SMG6: variants seen among roughly 807,000 people sequenced by gnomAD.
SMG6 encodes the protein telomerase-binding protein EST1A.
A neutral mutation model predicts 142.2 loss-of-function variants in SMG6; 66 were observed. That is an observed-to-expected ratio of 0.46 (90% CI 0.38 to 0.57). The LOEUF is 0.57. Among genes scored for constraint, SMG6 ranks in the 20% least tolerant of loss-of-function variants. SMG6 has a pLI of 0.00. For synonymous variants in SMG6, 779 were observed against 702.4 expected (o/e 1.11, Z -1.72); for missense variants, 1,793 against 1,832.0 (o/e 0.98, Z 0.39).
At position 2,303,763 on chromosome 17, in the gene SMG6, G is replaced by T; in HGVS notation, c.-43C>A. The T allele has an allele frequency of 6.8e-7, 1 of 1,466,658 alleles. No individual in the cohort carries two copies. The highest frequency in any genetic ancestry group is 9.0e-7 in the Non-Finnish European group (1 of 1,109,138). The allele number at this position is 1,466,658 out of a possible 1,614,324, so 90.9% of individuals were successfully genotyped here. On this transcript the variant is annotated 5_prime_UTR_variant, in exon 1 of 19. Transcript: ENST00000263073. ...CAGCCGTAGCGGCTCCGCCACCGCC[G>T]CGCGCAGCCAGGAAACCACCACAGA...
At chr17:2,066,189 G>T (rs2067937498) in intron 16 of SMG6, 1 of 166,566 alleles carries the variant, frequency 6.0e-6, no homozygotes, top group Non-Finnish European at 1.3e-5. Flanking sequence ...CATTTGCAAG[G>T]CCCTGGTATT....
chr17:2,084,552 C>CT (rs2068505929), intron 14 of SMG6, among the ~76,000 whole-genome samples: 1 of 152,308 alleles, frequency 6.6e-6, no homozygotes, highest in South Asian at 2.1e-4. Context: ...GGTGGCCACT[C>CT]TATCACTGTT....
At chr17:2,229,185 C>T (rs1167866245) in intron 10 of SMG6, 1 of 152,200 alleles carries the variant, frequency 6.6e-6, no homozygotes, top group Non-Finnish European at 1.5e-5. Context: ...GAGGTTTCCT[C>T]TACCCATGAC....
At chr17:2,221,046 C>G (rs2073156387) in intron 10 of SMG6, among the ~76,000 whole-genome samples, 1 of 152,102 alleles carries the variant, frequency 6.6e-6, no homozygotes, top group South Asian at 2.1e-4. Flanking sequence ...GAAGAAAGGA[C>G]AGAGAGTAAA....
rs1292151045 is a variant in SMG6 at position 2,061,464 on chromosome 17, A to G, written c.*28T>C. 1.6e-6 allele frequency: 2 copies of G among 1,240,032 alleles called. No homozygotes were observed. Among genetic ancestry groups the G allele is most frequent in the Non-Finnish European group, 2.2e-6 (2 of 925,226 alleles). The allele number at this position is 1,240,032 out of a possible 1,614,324, so 76.8% of individuals were successfully genotyped here. A position where few individuals can be genotyped will look rare whatever the true frequency, so the allele number is the denominator to read the frequency against. On this transcript the variant is annotated 3_prime_UTR_variant, in exon 19 of 19. Transcript: ENST00000263073. ...CTGGTGGCCTTTCAGGAACGGTTCCACGGGGGGGGGGCCCCAGTGTGGCTC... is the reference window on the plus strand; with the variant it reads ...CTGGTGGCCTTTCAGGAACGGTTCCGCGGGGGGGGGGCCCCAGTGTGGCTC...
chr17:2,208,992 C>T (rs937888314), intron 10 of SMG6, among the ~76,000 whole-genome samples: 2 of 152,064 alleles, frequency 1.3e-5, no homozygotes, highest in Non-Finnish European at 2.9e-5. Context: ...CCAGCCTGGG[C>T]AACAAAGTGA....
At chr17:2,281,938 T>G (rs1240346622) in intron 8 of SMG6, among the ~76,000 whole-genome samples, 1 of 152,204 alleles carries the variant, frequency 6.6e-6, no homozygotes, top group Non-Finnish European at 1.5e-5. Context: ...TACTTGTTCT[T>G]TATACTTCAA....
chr17:2,085,414 G>C lies in SMG6; in HGVS notation c.3534+311C>G, dbSNP rs1351809032. On this transcript the variant is annotated intron_variant, in intron 14 of 18. Transcript: ENST00000263073. The surrounding 1 kb of genome is among the most constrained non-coding windows in gnomAD (Gnocchi z 4.1). The stretch of plus-strand genomic sequence containing the variant: ...TCCACACATCTATAAACTTGATCCT[G>C]ACCACCCCCCTCTCCCTTTCCTAAG... 6.6e-6 allele frequency among the ~76,000 whole-genome samples: 1 copy of C among 152,084 alleles called. No individual in the cohort carries two copies. The highest frequency in any genetic ancestry group is 1.5e-5 in the Non-Finnish European group (1 of 68,022).
chr17:2,078,330 G>A (rs2068317271), intron 15 of SMG6, among the ~76,000 whole-genome samples: 1 of 152,128 alleles, frequency 6.6e-6, no homozygotes, highest in African/African-American at 2.4e-5. Flanking sequence ...TTAAAAGCCA[G>A]AGTGGAATTT....
chr17:2,127,849 T>G (rs2069951922), intron 13 of SMG6: 2 of 553,400 alleles, frequency 3.6e-6, no homozygotes. Context: ...CATTATTTGC[T>G]GAAGAGCGAT....
chr17:2,251,821 G>A (rs763655372), intron 8 of SMG6, among the ~76,000 whole-genome samples: 1 of 152,176 alleles, frequency 6.6e-6, no homozygotes, highest in Non-Finnish European at 1.5e-5. Context: ...AAAAGAAGGG[G>A]CCAGGCACAG....
intron 6 of SMG6, among the ~76,000 whole-genome samples, chr17:2,287,885 A>C (rs921029734): frequency 2.0e-5 from 3 of 152,322 alleles, no homozygotes; most frequent in African/African-American, 7.2e-5. Flanking sequence ...TTAGTTGCAG[A>C]GGTTGTGGGA....
rs547241269 is a variant in SMG6, at chr17:2,134,397, C to T, written c.3357+38261G>A. Among the ~76,000 whole-genome samples, 5 of 105,268 alleles carry T rather than the reference C, an allele frequency of 4.7e-5. No homozygotes were observed. In the South Asian group the frequency reaches 9.8e-4, roughly 21 times the overall value. The allele number at this position is 105,268 out of a possible 152,430, so 69.1% of individuals were successfully genotyped here. ...CGTGCCTACAACCTGGGAGCCTGGG[C>T]GATAAGAGCGAGACTCCATCTCAAA... On this transcript the variant is annotated intron_variant, in intron 13 of 18. Transcript: ENST00000263073.
At chr17:2,272,634 A>C (rs1455629629) in intron 8 of SMG6, among the ~76,000 whole-genome samples, 1 of 152,126 alleles carries the variant, frequency 6.6e-6, no homozygotes, top group East Asian at 1.9e-4. Context: ...TTCGTATTTC[A>C]GGTCATACTT....
At chr17:2,221,078 A>T (rs1446120008) in intron 10 of SMG6, among the ~76,000 whole-genome samples, 1 of 152,262 alleles carries the variant, frequency 6.6e-6, no homozygotes, top group South Asian at 2.1e-4. Context: ...TCAAGAGACC[A>T]GAAAGGACTG....
chr17:2,221,929 T>A (rs2073181077), intron 10 of SMG6, among the ~76,000 whole-genome samples: 1 of 152,198 alleles, frequency 6.6e-6, no homozygotes, highest in Admixed American at 6.5e-5. Flanking sequence ...AAGACAGGGT[T>A]TCGCCATGTT....
At chr17:2,095,045 T>A (rs548350585) in intron 13 of SMG6, 1 of 152,178 alleles carries the variant, frequency 6.6e-6, no homozygotes, top group African/African-American at 2.4e-5. Flanking sequence ...GCCACCCACA[T>A]TGGCAGGGGT....
intron 7 of SMG6, 25 bp from the exon 8 acceptor site, chr17:2,282,884 C>T: frequency 1.2e-6 from 2 of 1,609,854 alleles, no homozygotes; most frequent in Non-Finnish European, 1.7e-6. Flanking sequence ...AACACATTAG[C>T]TCATGGCCTG....
chr17:2,266,209 G>C, intron 8 of SMG6: 1 of 984,752 alleles, frequency 1.0e-6, no homozygotes, highest in Non-Finnish European at 1.2e-6. Context: ...CTGACTTTCC[G>C]GATGGTAACT....
Sources: gnomAD v4.1 joint callset for allele counts (sites outside exome capture counted in the v4.1 genomes callset) on GRCh38, gnomAD v4.1.1 for gene constraint, Gnocchi (gnomAD v3.1) non-coding constraint, MANE v1.5 for transcripts, NCBI Gene and HGNC (gene_info 2026-07-23, HGNC 2026-07-21) for gene names.